PCDHGB3: variants seen among roughly 807,000 people sequenced by gnomAD.
The protein encoded by PCDHGB3 is protocadherin gamma subfamily B, 3, also known as protocadherin gamma-B3.
In PCDHGB3, 40 loss-of-function variants were observed where a neutral mutation model predicts 59.2. That is an observed-to-expected ratio of 0.68 (90% confidence interval 0.52 to 0.88). PCDHGB3 has a LOEUF of 0.88. Ranked by LOEUF, PCDHGB3 falls within the 40% of genes least tolerant of loss-of-function variation. The pLI is 0.00. For missense variants in PCDHGB3, 1,309 were observed against 1,187.9 expected (o/e 1.10, Z -1.50); for synonymous variants, 581 against 503.6 (o/e 1.15, Z -2.06).
intron 1 of PCDHGB3, chr5:141,385,839 AT>A (rs758941967): frequency 8.1e-4 from 124 of 153,978 alleles, no homozygotes; most frequent in Admixed American, 2.3e-3. Context: ...CAGTATAATC[AT>A]TTATTAATGG....
At position 141,408,387 on chromosome 5, in the gene PCDHGB3, C is replaced by T. The variant is rs774250271; in HGVS notation, c.2415+35578C>T. Reference sequence around the variant, plus strand: ...CTAGGGCTCAGTGTCCTGGATGTGTCGGCTCGCAAGCTGCGAGTGAGCGCG... The same window carrying T: ...CTAGGGCTCAGTGTCCTGGATGTGTTGGCTCGCAAGCTGCGAGTGAGCGCG... On this transcript the variant is annotated intron_variant, in intron 1 of 3. Transcript: ENST00000576222. 1.2e-5 allele frequency: 20 copies of T among 1,613,890 alleles called. No homozygotes were observed. Among genetic ancestry groups the T allele is most frequent in the Non-Finnish European group, 1.6e-5 (19 of 1,179,880 alleles).
chr5:141,433,304 C>T, intron 1 of PCDHGB3: 1 of 932,004 alleles, frequency 1.1e-6, no homozygotes, highest in Non-Finnish European at 1.6e-6. Context: ...AGCAATTATC[C>T]CACCTTTGCC....
chr5:141,452,494 T>C (rs1186924396), intron 1 of PCDHGB3, among the ~76,000 whole-genome samples: 2 of 152,192 alleles, frequency 1.3e-5, no homozygotes, highest in African/African-American at 4.8e-5. Flanking sequence ...CACACCCATA[T>C]TTATATTTGT....
intron 1 of PCDHGB3, chr5:141,390,342 G>A (rs1484978612): frequency 6.3e-7 from 1 of 1,581,534 alleles, no homozygotes; most frequent in Non-Finnish European, 8.6e-7. Context: ...ATATTCACAA[G>A]AAAATATACA....
At chr5:141,474,754 T>C (rs1351752958) in intron 1 of PCDHGB3, among the ~76,000 whole-genome samples, 4 of 152,228 alleles carry the variant, frequency 2.6e-5, no homozygotes, top group Non-Finnish European at 4.4e-5. Flanking sequence ...CCAAGACAAA[T>C]ATACAGAAAT....
intron 1 of PCDHGB3, among the ~76,000 whole-genome samples, chr5:141,430,226 T>C (rs1331325242): frequency 6.9e-6 from 1 of 144,216 alleles, no homozygotes; most frequent in Admixed American, 7.0e-5. Context: ...ATATGATTTG[T>C]CAAAAAGAGA....
chr5:141,424,690 TA>T (rs796070231), intron 1 of PCDHGB3: 89 of 152,358 alleles, frequency 5.8e-4, no homozygotes, highest in African/African-American at 1.9e-3. Context: ...TCCTTCTGGC[TA>T]TTTTTTTGTT....
intron 1 of PCDHGB3, among the ~76,000 whole-genome samples, chr5:141,467,789 G>A (rs1264350552): frequency 6.6e-6 from 1 of 152,066 alleles, no homozygotes; most frequent in Non-Finnish European, 1.5e-5. Context: ...CTCTCAAGTA[G>A]CTGGGACTAC....
chr5:141,452,844 C>T (rs1239022315), intron 1 of PCDHGB3, among the ~76,000 whole-genome samples: 1 of 152,204 alleles, frequency 6.6e-6, no homozygotes, highest in Non-Finnish European at 1.5e-5. Context: ...CCAGCCCACA[C>T]TCTGGGGAGA....
intron 1 of PCDHGB3, among the ~76,000 whole-genome samples, chr5:141,470,591 G>A (rs1271473509): frequency 1.3e-5 from 2 of 152,132 alleles, no homozygotes; most frequent in African/African-American, 4.8e-5. Flanking sequence ...ATAGGCAGGC[G>A]ACCTGTGCGG....
At position 141,379,353 on chromosome 5, in the gene PCDHGB3, T is replaced by A. The variant is rs536207884; in HGVS notation, c.2415+6544T>A. The A allele has an allele frequency of 1.4e-4, 22 of 152,338 alleles. No individual in the cohort carries two copies. In the South Asian group the frequency reaches 4.6e-3, roughly 32 times the overall value. 9.4% of individuals were successfully genotyped at this position (152,338 alleles called of 1,614,324 possible). A position where few individuals can be genotyped will look rare whatever the true frequency, so the allele number is the denominator to read the frequency against. The stretch of plus-strand genomic sequence containing the variant: ...CATCTTCAAAGCTCATTTTCTTGTA[T>A]CTTTGTGATATAATTTGATAAAATA... On this transcript the variant is annotated intron_variant, in intron 1 of 3. Coordinates refer to ENST00000576222, the MANE Select transcript of PCDHGB3 (RefSeq NM_018924.5).
At chr5:141,403,589 A>ACGGCCT in intron 1 of PCDHGB3, 2 of 1,613,812 alleles carry the variant, frequency 1.2e-6, no homozygotes, top group Non-Finnish European at 1.7e-6. Context: ...CCTGGTCCTC[A>ACGGCCT]CGGCCTCGGA....
chr5:141,457,273 G>A (rs746102734), intron 1 of PCDHGB3, among the ~76,000 whole-genome samples: 7 of 152,144 alleles, frequency 4.6e-5, no homozygotes, highest in Admixed American at 1.3e-4. Context: ...CCCTCTGTGG[G>A]CCTACGAAGT....
rs200601557 is a variant in PCDHGB3, at chr5:141,432,538, G to A, written c.2415+59729G>A. 5.0e-6 allele frequency: 8 copies of A among 1,613,908 alleles called. No homozygotes were observed. The highest frequency in any genetic ancestry group is 1.7e-5 in the Admixed American group (1 of 60,012). On this transcript the variant is annotated intron_variant, in intron 1 of 3. Coordinates refer to ENST00000576222, the MANE Select transcript of PCDHGB3 (RefSeq NM_018924.5). The surrounding 1 kb of genome is among the most constrained non-coding windows in gnomAD (Gnocchi z 6.0). ...GCTACCTGGTGACCAAGGTGGTGGCGGTGGACAGAGACTCCGGCCAGAACG... is the reference window on the plus strand; with the variant it reads ...GCTACCTGGTGACCAAGGTGGTGGCAGTGGACAGAGACTCCGGCCAGAACG...
chr5:141,471,630 G>T (rs2099261496), intron 1 of PCDHGB3: 1 of 152,108 alleles, frequency 6.6e-6, no homozygotes, highest in African/African-American at 2.4e-5. Context: ...GCATTGGTAT[G>T]GATTAGTAAT....
intron 1 of PCDHGB3, chr5:141,403,090 C>T (rs2094352394): frequency 6.2e-7 from 1 of 1,614,068 alleles, no homozygotes; most frequent in Non-Finnish European, 8.5e-7. Context: ...ATATTGTGGG[C>T]AACATCTCCA....
intron 1 of PCDHGB3, among the ~76,000 whole-genome samples, chr5:141,437,807 G>T (rs910427301): frequency 6.7e-6 from 1 of 149,476 alleles, no homozygotes; most frequent in Non-Finnish European, 1.5e-5. Flanking sequence ...GCACTATCTT[G>T]GCTCACTGCA....
chr5:141,416,441 T>C (rs2096024396), intron 1 of PCDHGB3: 1 of 152,162 alleles, frequency 6.6e-6, no homozygotes, highest in Non-Finnish European at 1.5e-5. Flanking sequence ...TGAAAGTAAA[T>C]ATGGGTTGGG....
In PCDHGB3 at chr5:141,493,364, TTGGAAC is replaced by T. The variant is rs1405602213; in HGVS notation, c.2416-1441_2416-1436del. Among the ~76,000 whole-genome samples, 1 of 152,184 alleles carries T rather than the reference TTGGAAC, an allele frequency of 6.6e-6. No homozygotes were observed. Among genetic ancestry groups the T allele is most frequent in the South Asian group, 2.1e-4 (1 of 4,824 alleles). On this transcript the variant is annotated intron_variant, in intron 1 of 3. Coordinates refer to ENST00000576222, the MANE Select transcript of PCDHGB3 (RefSeq NM_018924.5). The surrounding 1 kb of genome is among the most constrained non-coding windows in gnomAD (Gnocchi z 4.3). Reference sequence around the variant, plus strand: ...ATGTGTGCTTTTAATTTCTTGGCACTTGGAACTTTAAAAGCTTGAGGACAGGAGAGG... The same window carrying T: ...ATGTGTGCTTTTAATTTCTTGGCACTTTTAAAAGCTTGAGGACAGGAGAGG...
Sources: allele counts gnomAD v4.1 joint callset (sites outside exome capture counted in the v4.1 genomes callset), GRCh38; gene constraint gnomAD v4.1.1; non-coding constraint Gnocchi (gnomAD v3.1); transcripts MANE v1.5; gene names NCBI Gene and HGNC (gene_info 2026-07-23, HGNC 2026-07-21).